MROH2B: variants seen among roughly 807,000 people sequenced by gnomAD.
The protein encoded by MROH2B is maestro heat-like repeat-containing protein family member 2B.
Under a neutral mutation model 208.6 loss-of-function variants are expected in MROH2B, and 177 were observed. That is an observed-to-expected ratio of 0.85 (90% CI 0.75 to 0.96). The LOEUF (loss-of-function observed/expected upper bound fraction) is 0.96. Among genes scored for constraint, MROH2B ranks in the 40% least tolerant of loss-of-function variants. MROH2B has a pLI of 0.00. For synonymous variants in MROH2B, 728 were observed against 659.0 expected (o/e 1.10, Z -1.60); for missense variants, 2,002 against 1,878.7 (o/e 1.07, Z -1.21).
In MROH2B at chr5:41,004,543, G is replaced by C. The variant is rs1238829229; in HGVS notation, c.4012-15C>G. The C allele has an allele frequency of 1.9e-6, 3 of 1,600,892 alleles. No homozygotes were observed. The highest frequency in any genetic ancestry group is 2.6e-6 in the Non-Finnish European group (3 of 1,175,330). ...TGTTTCTTCACCTATTTTGAAATAA[G>C]ACCTCTTAATCTTGAAAATTGTTCT... On this transcript the variant is annotated splice_polypyrimidine_tract_variant and intron_variant, in intron 36 of 41. Coordinates refer to ENST00000399564, the MANE Select transcript of MROH2B (RefSeq NM_173489.5).
intron 37 of MROH2B, among the ~76,000 whole-genome samples, chr5:41,003,048 C>T (rs1036475670): frequency 2.0e-5 from 3 of 150,958 alleles, no homozygotes; most frequent in African/African-American, 7.3e-5. Flanking sequence ...GCAACCTCTG[C>T]CTCCCGTGTT....
chr5:41,018,546 A>G lies in MROH2B; in HGVS notation c.2674-116T>C, dbSNP rs936309976. On this transcript the variant is annotated intron_variant, in intron 26 of 41. Transcript: ENST00000399564. ...ACACGGTGCTCACCTCCCCACAAAC[A>G]ATTTTTAAGTAGATGGCTGTATGTG... The G allele has an allele frequency of 2.8e-6, 4 of 1,433,640 alleles. No homozygotes were observed. In the African/African-American group the frequency reaches 5.7e-5, roughly 20 times the overall value. 88.8% of individuals were successfully genotyped at this position (1,433,640 alleles called of 1,614,324 possible).
In MROH2B at chr5:41,000,215, C is replaced by CG. The variant is rs1298853205; in HGVS notation, c.4482+4_4482+5insC. The stretch of plus-strand genomic sequence containing the variant: ...TTTTGGAGGCGGCATCTATTGGACA[C>CG]TCACCAGTTTCACACAGAATTGCCT... On this transcript the variant is annotated splice_donor_region_variant and intron_variant, in intron 39 of 41. Coordinates refer to ENST00000399564, the MANE Select transcript of MROH2B (RefSeq NM_173489.5). 1 of 1,613,608 alleles carries CG rather than the reference C, an allele frequency of 6.2e-7. No individual in the cohort carries two copies. The highest frequency in any genetic ancestry group is 8.5e-7 in the Non-Finnish European group (1 of 1,179,716).
intron 20 of MROH2B, among the ~76,000 whole-genome samples, chr5:41,039,188 C>T (rs1464094329): frequency 2.6e-5 from 4 of 152,006 alleles, no homozygotes; most frequent in South Asian, 2.1e-4. Context: ...TTCATGAGGG[C>T]CGAGTGGTTG....
intron 39 of MROH2B, 108 bp from the exon 40 acceptor site, chr5:40,999,887 C>A: frequency 6.5e-6 from 6 of 929,430 alleles, no homozygotes; most frequent in Non-Finnish European, 9.8e-6. Flanking sequence ...TGAGCACTCA[C>A]ACAGCCATAA....
intron 40 of MROH2B, 129 bp from the exon 41 acceptor site, chr5:40,998,806 C>T (rs546601477): frequency 3.9e-4 from 274 of 698,778 alleles, no homozygotes; most frequent in Non-Finnish European, 6.2e-4. Flanking sequence ...AACTATATGA[C>T]TTCCTTTGCA....
At chr5:41,016,439 A>AGGG (rs1741950644) in intron 28 of MROH2B, among the ~76,000 whole-genome samples, 2 of 151,006 alleles carry the variant, frequency 1.3e-5, no homozygotes, top group African/African-American at 4.9e-5. Flanking sequence ...CAATAATAGA[A>AGGG]TCCAAATTCC....
intron 35 of MROH2B, 117 bp downstream of exon 35, chr5:41,005,414 C>CCCT (rs1741547806): frequency 1.7e-5 from 1 of 58,058 alleles, no homozygotes; most frequent in Admixed American, 2.4e-4. Context: ...CTCTATGAAA[C>CCCT]CCCCCCCCCC....
intron 24 of MROH2B, among the ~76,000 whole-genome samples, chr5:41,019,945 A>G (rs1742088875): frequency 2.0e-5 from 3 of 152,188 alleles, no homozygotes; most frequent in African/African-American, 4.8e-5. Context: ...GAATCTTTCT[A>G]TGATACTCTA....
At chr5:41,042,004 A>G (rs1742968640) in intron 19 of MROH2B, 88 bp downstream of exon 19, 1 of 658,606 alleles carries the variant, frequency 1.5e-6, no homozygotes, top group Non-Finnish European at 2.5e-6. Flanking sequence ...TAAGTAGAAC[A>G]TTATTATAAA....
At chr5:41,016,174 G>A (rs1387200383) in intron 28 of MROH2B, among the ~76,000 whole-genome samples, 1 of 151,774 alleles carries the variant, frequency 6.6e-6, no homozygotes, top group Non-Finnish European at 1.5e-5. Flanking sequence ...CTTAATTTCA[G>A]ACTCCTCATT....
At position 41,067,100 on chromosome 5, in the gene MROH2B, A is replaced by G; in HGVS notation, c.201+8T>C. The G allele has an allele frequency of 1.3e-6, 2 of 1,528,562 alleles. No individual in the cohort carries two copies. The highest frequency in any genetic ancestry group is 1.8e-6 in the Non-Finnish European group (2 of 1,126,446). 94.7% of individuals were successfully genotyped at this position (1,528,562 alleles called of 1,614,324 possible). On this transcript the variant is annotated splice_region_variant and intron_variant, in intron 3 of 41. Coordinates refer to ENST00000399564, the MANE Select transcript of MROH2B (RefSeq NM_173489.5). Reference sequence around the variant, plus strand: ...AAGACCCTTTTCACCATCATGAACCAAACTTACATTGTTGTCTCTCATATC... The same window carrying G: ...AAGACCCTTTTCACCATCATGAACCGAACTTACATTGTTGTCTCTCATATC...
At position 41,047,782 on chromosome 5, in the gene MROH2B, T is replaced by A; in HGVS notation, c.1685-18A>T. On this transcript the variant is annotated intron_variant, in intron 16 of 41. Coordinates refer to ENST00000399564, the MANE Select transcript of MROH2B (RefSeq NM_173489.5). ...GTTCTTTCCTAGAAACAAAAATTGA[T>A]GTAATAATCGCAAAAAAACAAAACC... is the stretch of plus-strand genomic sequence containing the variant. 1 of 1,571,720 alleles carries A rather than the reference T, an allele frequency of 6.4e-7. No homozygotes were observed. The highest frequency in any genetic ancestry group is 8.6e-7 in the Non-Finnish European group (1 of 1,157,068).
intron 18 of MROH2B, among the ~76,000 whole-genome samples, chr5:41,044,350 T>C (rs1044915696): frequency 6.6e-6 from 1 of 152,128 alleles, no homozygotes; most frequent in Non-Finnish European, 1.5e-5. Context: ...CAGCCCAAAG[T>C]GTCAAAGTAT....
At chr5:41,010,165 G>T in intron 30 of MROH2B, 86 bp from the exon 31 acceptor site, 1 of 1,236,618 alleles carries the variant, frequency 8.1e-7, no homozygotes, top group Non-Finnish European at 1.1e-6. Context: ...TCGTGGATGG[G>T]CAGCTGATGA....
At chr5:41,039,039 G>A (rs1356789790) in intron 20 of MROH2B, among the ~76,000 whole-genome samples, 151 bp from the exon 21 acceptor site, 1 of 152,158 alleles carries the variant, frequency 6.6e-6, no homozygotes, top group African/African-American at 2.4e-5. Flanking sequence ...ACTCTCGCCT[G>A]TTTAAATGTA....
At chr5:41,011,779 T>C (rs560018807) in intron 30 of MROH2B, among the ~76,000 whole-genome samples, 14 of 152,196 alleles carry the variant, frequency 9.2e-5, no homozygotes, top group African/African-American at 3.4e-4. Context: ...GTGATTCTCC[T>C]GCCTCAGCCT....
At chr5:41,001,129 G>C (rs1365318479) in intron 37 of MROH2B, among the ~76,000 whole-genome samples, 2 of 152,194 alleles carry the variant, frequency 1.3e-5, no homozygotes, top group Non-Finnish European at 2.9e-5. Context: ...CCACAGGAAT[G>C]ATACACAGGG....
chr5:41,000,766 C>G lies in MROH2B; in HGVS notation c.4262G>C (p.Arg1421Thr), dbSNP rs766601750. The G allele has an allele frequency of 1.2e-6, 2 of 1,611,320 alleles. No individual in the cohort carries two copies. The highest frequency in any genetic ancestry group is 1.7e-6 in the Non-Finnish European group (2 of 1,178,846). ...FEDLAPLTGR[R>T]WKIFFAEEIK... ...TTCTTCAGCAAAAAAAATCTTCCAC[C>G]TTCTTCCTGTTAGGGGTGCCAGGTC... Residue 1421 changes from arginine to threonine, a missense_variant, in exon 38 of 42, where the codon AGG becomes ACG. Transcript: ENST00000399564.
Sources: allele counts gnomAD v4.1 joint callset (sites outside exome capture counted in the v4.1 genomes callset), GRCh38; gene constraint gnomAD v4.1.1; transcripts MANE v1.5; gene names NCBI Gene and HGNC (gene_info 2026-07-23, HGNC 2026-07-21).